Variants in KCNMB2 observed in about 807,000 individuals in gnomAD.
KCNMB2 encodes the protein calcium-activated potassium channel subunit beta-2.
A neutral mutation model predicts 24.5 loss-of-function variants in KCNMB2; 9 were observed. That is an observed-to-expected ratio of 0.37 (90% CI 0.22 to 0.64). The LOEUF is 0.64. Among genes scored for constraint, KCNMB2 ranks in the 30% least tolerant of loss-of-function variants. KCNMB2 has a pLI of 0.63. For missense variants in KCNMB2, 226 were observed against 284.3 expected, an observed-to-expected ratio of 0.79 and a Z score of 1.47; for synonymous variants, 109 against 104.4, an observed-to-expected ratio of 1.04 and a Z score of -0.27.
intron 1 of KCNMB2, among the ~76,000 whole-genome samples, chr3:178,566,825 G>T (rs899178482): frequency 6.6e-6 from 1 of 152,180 alleles, no homozygotes; most frequent in African/African-American, 2.4e-5. Flanking sequence ...ACCAAGTAGC[G>T]CTGTGCTTAA....
intron 1 of KCNMB2, among the ~76,000 whole-genome samples, chr3:178,602,187 C>T (rs1718104850): frequency 6.7e-6 from 1 of 149,896 alleles, no homozygotes; most frequent in South Asian, 2.1e-4. Flanking sequence ...AAGAGATTGC[C>T]AATCTAGGGT....
chr3:178,681,614 G>A (rs1312362868), intron 1 of KCNMB2, among the ~76,000 whole-genome samples: 1 of 152,188 alleles, frequency 6.6e-6, no homozygotes, highest in Non-Finnish European at 1.5e-5. Flanking sequence ...CATTAGAAGG[G>A]TTAAGTAATT....
intron 1 of KCNMB2, among the ~76,000 whole-genome samples, chr3:178,807,127 A>C (rs1398846214): frequency 6.6e-6 from 1 of 152,228 alleles, no homozygotes; most frequent in Non-Finnish European, 1.5e-5. Flanking sequence ...TCCCGGCAGT[A>C]TGTTACAATC....
chr3:178,685,458 T>C (rs974276227), intron 1 of KCNMB2, among the ~76,000 whole-genome samples: 2 of 152,228 alleles, frequency 1.3e-5, no homozygotes, highest in African/African-American at 4.8e-5. Context: ...TGGTTACAAC[T>C]ACATGTTGGC....
intron 1 of KCNMB2, among the ~76,000 whole-genome samples, chr3:178,800,057 C>G (rs1225301200): frequency 6.6e-6 from 1 of 152,116 alleles, no homozygotes; most frequent in East Asian, 1.9e-4. Flanking sequence ...AATCTAAGAT[C>G]TCAAACCATG....
chr3:178,837,166 A>T (rs931765545), intron 4 of KCNMB2, among the ~76,000 whole-genome samples: 1 of 152,170 alleles, frequency 6.6e-6, no homozygotes, highest in African/African-American at 2.4e-5. Context: ...TGCAGCTAGT[A>T]ATTTTCTCGT....
At chr3:178,763,022 A>C (rs918428388) in intron 1 of KCNMB2, among the ~76,000 whole-genome samples, 1 of 152,112 alleles carries the variant, frequency 6.6e-6, no homozygotes, top group Non-Finnish European at 1.5e-5. Context: ...CTTGGAAGTC[A>C]CTTAGCGATA....
intron 1 of KCNMB2, among the ~76,000 whole-genome samples, chr3:178,745,512 C>A (rs1039444488): frequency 6.6e-6 from 1 of 152,160 alleles, no homozygotes; most frequent in African/African-American, 2.4e-5. Flanking sequence ...CCACCCTTGG[C>A]CCCTCCCAAA....
At chr3:178,700,848 G>A (rs1722065291) in intron 1 of KCNMB2, among the ~76,000 whole-genome samples, 1 of 151,764 alleles carries the variant, frequency 6.6e-6, no homozygotes, top group Admixed American at 6.6e-5. Flanking sequence ...TAGAGAGAAT[G>A]GATATTAGCC....
intron 1 of KCNMB2, among the ~76,000 whole-genome samples, chr3:178,542,674 A>C (rs886169758): frequency 3.3e-5 from 5 of 152,160 alleles, no homozygotes; most frequent in Non-Finnish European, 5.9e-5. Flanking sequence ...TAAAGAATAG[A>C]ATTTTCTTTC....
intron 1 of KCNMB2, among the ~76,000 whole-genome samples, chr3:178,581,224 C>A (rs943452138): frequency 6.6e-6 from 1 of 152,158 alleles, no homozygotes; most frequent in African/African-American, 2.4e-5. Context: ...ACATCTACAA[C>A]CATCTGGTCT....
chr3:178,710,435 A>G (rs1470103770), intron 1 of KCNMB2, among the ~76,000 whole-genome samples: 2 of 152,212 alleles, frequency 1.3e-5, no homozygotes, highest in Non-Finnish European at 2.9e-5. Flanking sequence ...TTGGGAAGAC[A>G]CAATTCTCAG....
In KCNMB2 at chr3:178,806,924, G is replaced by GA. The variant is rs1009780350; in HGVS notation, c.-67-412dup. ...ATGTCACACTTGTCAGCATTTTAAA[G>GA]AAAAAAACAGATTGAAGAGGAAAGA... On this transcript the variant is annotated intron_variant, in intron 1 of 4. Coordinates refer to ENST00000452583, the MANE Select transcript of KCNMB2 (RefSeq NM_181361.3). Among the ~76,000 whole-genome samples, 9 of 151,996 alleles carry GA rather than the reference G, an allele frequency of 5.9e-5. No homozygotes were observed. The East Asian group carries it at 1.5e-3, about 26-fold the overall frequency.
rs113392303 is a variant in KCNMB2, at chr3:178,556,748, C to G, written c.-68+20037C>G. Among the ~76,000 whole-genome samples the G allele has an allele frequency of 4.9e-3, 745 of 152,190 alleles. 8 individuals are homozygous for G. The highest frequency in any genetic ancestry group is 0.017 in the African/African-American group (709 of 41,516). ...AAACTTTGTGCAACTGGGAAGGAAA[C>G]CAGGAGAATGCAGAATCACAGAGGC... On this transcript the variant is annotated intron_variant, in intron 1 of 4. Coordinates refer to ENST00000452583, the MANE Select transcript of KCNMB2 (RefSeq NM_181361.3).
chr3:178,595,059 C>CAAAAAAAAAAAAAAAAAA lies in KCNMB2; in HGVS notation c.-68+58364_-68+58365insAAAAAAAAAAAAAAAAAA, dbSNP rs57471892. ...GCCTTAGTGGCATATACAGTATTTGCAAAAAAAAAAAAAAAATCAATACAT... is the reference window on the plus strand; with the variant it reads ...GCCTTAGTGGCATATACAGTATTTGCAAAAAAAAAAAAAAAAAAAAAAAAAAAAAAAAAATCAATACAT... On this transcript the variant is annotated intron_variant, in intron 1 of 4. Transcript: ENST00000452583. 4.0e-5 allele frequency among the ~76,000 whole-genome samples: 5 copies of CAAAAAAAAAAAAAAAAAA among 123,732 alleles called. No homozygotes were observed. The East Asian group carries it at 7.5e-4, about 19-fold the overall frequency. The allele number at this position is 123,732 out of a possible 152,430, so 81.2% of individuals were successfully genotyped here.
At chr3:178,554,905 G>A (rs1489877949) in intron 1 of KCNMB2, among the ~76,000 whole-genome samples, 2 of 152,222 alleles carry the variant, frequency 1.3e-5, no homozygotes, top group African/African-American at 4.8e-5. Context: ...CTTTATTATG[G>A]ATAGAGGTTG....
At chr3:178,778,878 T>C (rs947851070) in intron 1 of KCNMB2, among the ~76,000 whole-genome samples, 4 of 152,146 alleles carry the variant, frequency 2.6e-5, no homozygotes, top group Non-Finnish European at 5.9e-5. Flanking sequence ...TGTTATGCTG[T>C]GATTGGTTAT....
intron 1 of KCNMB2, among the ~76,000 whole-genome samples, chr3:178,796,952 A>C (rs7429200): frequency 0.18 from 27,480 of 151,986 alleles, 2,832 homozygotes; most frequent in African/African-American, 0.28. Flanking sequence ...TCAATGAAAC[A>C]AAAAGTTGGT....
chr3:178,746,168 G>A (rs1723658978), intron 1 of KCNMB2, among the ~76,000 whole-genome samples: 1 of 152,180 alleles, frequency 6.6e-6, no homozygotes, highest in Non-Finnish European at 1.5e-5. Flanking sequence ...ACTTCTGCCT[G>A]GACACCCAGG....
Sources: gnomAD v4.1 joint callset for allele counts (sites outside exome capture counted in the v4.1 genomes callset) on GRCh38, gnomAD v4.1.1 for gene constraint, MANE v1.5 for transcripts, NCBI Gene and HGNC (gene_info 2026-07-23, HGNC 2026-07-21) for gene names.